Variants in SUCLG2 observed in about 807,000 individuals in gnomAD.
SUCLG2 encodes succinate-CoA ligase GDP-forming subunit beta.
A neutral mutation model predicts 47.9 loss-of-function variants in SUCLG2; 42 were observed. That is an observed-to-expected ratio of 0.88 (90% CI 0.69 to 1.14). The LOEUF is 1.14. Ranked by LOEUF, SUCLG2 falls within the 50% of genes most tolerant of loss-of-function variation. The pLI is 0.00. For missense variants in SUCLG2, 571 were observed against 525.9 expected, an observed-to-expected ratio of 1.09 and a Z score of -0.84; for synonymous variants, 195 against 197.3, an observed-to-expected ratio of 0.99 and a Z score of 0.10.
In SUCLG2 at chr3:67,601,722, C is replaced by T. The variant is rs113137493; in HGVS notation, c.226+7733G>A. ...GCCTATAATCTTCCCAACTTGGCCT[C>T]CCAAAGGCCAGCAATTTGGGAGGTC... On this transcript the variant is annotated intron_variant, in intron 2 of 10. Coordinates refer to ENST00000307227, the MANE Select transcript of SUCLG2 (RefSeq NM_003848.4). Among the ~76,000 whole-genome samples, 988 of 152,272 alleles carry T rather than the reference C, an allele frequency of 6.5e-3. 10 individuals carry two copies. The highest frequency in any genetic ancestry group is 0.022 in the African/African-American group (912 of 41,550).
chr3:67,536,292 G>A lies in SUCLG2; in HGVS notation c.227-7106C>T, dbSNP rs575072640. Among the ~76,000 whole-genome samples, 6 of 152,252 alleles carry A rather than the reference G, an allele frequency of 3.9e-5. No individual in the cohort carries two copies. The South Asian group carries it at 6.2e-4, about 16-fold the overall frequency. Reference sequence around the variant, plus strand: ...GCTGCACCTATATTTAAAGATGTTCGTTTCACTTTTACAGCAATATTACTA... The same window carrying A: ...GCTGCACCTATATTTAAAGATGTTCATTTCACTTTTACAGCAATATTACTA... On this transcript the variant is annotated intron_variant, in intron 2 of 10. Transcript: ENST00000307227.
At chr3:67,544,380 T>G (rs1239644650) in intron 2 of SUCLG2, among the ~76,000 whole-genome samples, 1 of 152,150 alleles carries the variant, frequency 6.6e-6, no homozygotes, top group Non-Finnish European at 1.5e-5. Context: ...CATGCTGTTC[T>G]CATGATAGTG....
chr3:67,592,734 A>AAC (rs1553665987), intron 2 of SUCLG2, among the ~76,000 whole-genome samples: 2 of 119,090 alleles, frequency 1.7e-5, no homozygotes, highest in Non-Finnish European at 3.4e-5. Flanking sequence ...AAAAAAAAAA[A>AAC]AACAACAAAA....
rs776326584 is a variant in SUCLG2, at chr3:67,386,252, CTAAT to C, written c.1184-10397_1184-10394del. The stretch of plus-strand genomic sequence containing the variant: ...TACAGGCGCCCGCCACCACGCCCGG[CTAAT>C]TTTTTTTTTTTTTTGTATTTTTAGT... On this transcript the variant is annotated intron_variant, in intron 10 of 10. Transcript: ENST00000307227. Among the ~76,000 whole-genome samples, 43 of 140,066 alleles carry C rather than the reference CTAAT, an allele frequency of 3.1e-4. No individual in the cohort carries two copies. In the East Asian group the frequency reaches 3.8e-3, roughly 12 times the overall value. The allele number at this position is 140,066 out of a possible 152,430, so 91.9% of individuals were successfully genotyped here.
chr3:67,538,228 T>A (rs779556512), intron 2 of SUCLG2, among the ~76,000 whole-genome samples: 2 of 152,162 alleles, frequency 1.3e-5, no homozygotes, highest in African/African-American at 4.8e-5. Context: ...CTTTACTCCA[T>A]CTTGAGTTAA....
chr3:67,611,108 A>C (rs1700519963), intron 1 of SUCLG2, among the ~76,000 whole-genome samples: 1 of 152,240 alleles, frequency 6.6e-6, no homozygotes, highest in South Asian at 2.1e-4. Flanking sequence ...AAAATAAAAA[A>C]GTACAAGTTA....
intron 2 of SUCLG2, among the ~76,000 whole-genome samples, chr3:67,553,243 G>C (rs1385374418): frequency 1.3e-5 from 2 of 152,210 alleles, no homozygotes; most frequent in African/African-American, 4.8e-5. Flanking sequence ...TGTGAAGACA[G>C]CACTCTTGTC....
chr3:67,430,007 T>G (rs965243416), intron 9 of SUCLG2, among the ~76,000 whole-genome samples: 39 of 152,158 alleles, frequency 2.6e-4, no homozygotes, highest in African/African-American at 9.2e-4. Context: ...AATGGGAGAC[T>G]TTAACACCCC....
intron 2 of SUCLG2, among the ~76,000 whole-genome samples, chr3:67,560,842 C>T (rs56369665): frequency 0.024 from 3,642 of 151,662 alleles, 66 homozygotes; most frequent in Middle Eastern, 0.051. Flanking sequence ...AACAGCAAGA[C>T]GTGGAAGTTT....
chr3:67,566,105 C>T (rs561932560), intron 2 of SUCLG2, among the ~76,000 whole-genome samples: 18 of 152,324 alleles, frequency 1.2e-4, no homozygotes, highest in Middle Eastern at 3.4e-3. Context: ...TTGCATTCAA[C>T]GACAAGCACT....
At chr3:67,583,573 A>G (rs1707934709) in intron 2 of SUCLG2, among the ~76,000 whole-genome samples, 1 of 152,250 alleles carries the variant, frequency 6.6e-6, no homozygotes, top group South Asian at 2.1e-4. Context: ...TTTGCAGGTC[A>G]GAAGTCTGGC....
At chr3:67,649,265 T>C (rs1300448946) in intron 1 of SUCLG2, among the ~76,000 whole-genome samples, 21 of 152,206 alleles carry the variant, frequency 1.4e-4, no homozygotes, top group Non-Finnish European at 1.5e-5. Context: ...TGTTTTAGTA[T>C]AACTACAGGT....
intron 10 of SUCLG2, among the ~76,000 whole-genome samples, chr3:67,369,484 G>T (rs910263112): frequency 6.6e-6 from 1 of 152,148 alleles, no homozygotes; most frequent in South Asian, 2.1e-4. Flanking sequence ...GAGATCAGTT[G>T]TCTACCTCCC....
chr3:67,468,895 G>T (rs1233868190), intron 9 of SUCLG2, among the ~76,000 whole-genome samples: 4 of 152,178 alleles, frequency 2.6e-5, no homozygotes, highest in Non-Finnish European at 5.9e-5. Flanking sequence ...AATCAAACAA[G>T]AAAGAGTATA....
intron 9 of SUCLG2, among the ~76,000 whole-genome samples, chr3:67,426,711 C>T (rs567921963): frequency 2.0e-5 from 3 of 152,258 alleles, no homozygotes; most frequent in African/African-American, 2.4e-5. Context: ...AGGCAGATCA[C>T]GAGGTCAGGA....
chr3:67,440,418 A>T (rs1266456866), intron 9 of SUCLG2, among the ~76,000 whole-genome samples: 1 of 152,216 alleles, frequency 6.6e-6, no homozygotes, highest in African/African-American at 2.4e-5. Context: ...TGCACAGAAA[A>T]AGAAATTATC....
intron 2 of SUCLG2, among the ~76,000 whole-genome samples, chr3:67,605,401 A>C (rs1052381160): frequency 7.9e-5 from 12 of 152,092 alleles, no homozygotes; most frequent in Non-Finnish European, 4.4e-5. Flanking sequence ...TTCACTTTTA[A>C]CCAACTAGAA....
At chr3:67,393,760 T>A (rs1028343509) in intron 10 of SUCLG2, among the ~76,000 whole-genome samples, 4 of 152,182 alleles carry the variant, frequency 2.6e-5, no homozygotes, top group Non-Finnish European at 5.9e-5. Context: ...GCAGCCTAAC[T>A]GCGAGGCACC....
chr3:67,400,288 AAG>A (rs1332704984), intron 10 of SUCLG2, among the ~76,000 whole-genome samples: 1 of 151,888 alleles, frequency 6.6e-6, no homozygotes, highest in Non-Finnish European at 1.5e-5. Flanking sequence ...ATTATTTTTT[AAG>A]AGTTATTTTT....
Sources: gnomAD v4.1 joint callset for allele counts (sites outside exome capture counted in the v4.1 genomes callset) on GRCh38, gnomAD v4.1.1 for gene constraint, MANE v1.5 for transcripts, NCBI Gene and HGNC (gene_info 2026-07-23, HGNC 2026-07-21) for gene names.